The following PARD3 variants were observed in gnomAD, a reference collection of about 807,000 sequenced individuals.
The protein encoded by PARD3 is par-3 family cell polarity regulator.
A neutral mutation model predicts 155.4 loss-of-function variants in PARD3; 75 were observed. The observed-to-expected ratio is 0.48, with a 90% CI of 0.40 to 0.58. The LOEUF is 0.58. PARD3 is among the 20% of genes least tolerant of loss of function. The pLI is 0.00. For missense variants in PARD3, 1,642 were observed against 1,721.7 expected, an observed-to-expected ratio of 0.95 and a Z score of 0.82; for synonymous variants, 576 against 610.5, an observed-to-expected ratio of 0.94 and a Z score of 0.83.
chr10:34,682,933 A>C (rs947098901), intron 2 of PARD3, among the ~76,000 whole-genome samples: 1 of 152,210 alleles, frequency 6.6e-6, no homozygotes, highest in Non-Finnish European at 1.5e-5. Flanking sequence ...TGAAGAGCCT[A>C]ATTTGACAAT....
At chr10:34,344,493 G>A in intron 15 of PARD3, 2 of 684,754 alleles carry the variant, frequency 2.9e-6, no homozygotes, top group Non-Finnish European at 3.6e-6. Flanking sequence ...TGTTGGCCAG[G>A]CTGGTCTTAA....
At chr10:34,769,455 T>C (rs546109715) in intron 1 of PARD3, among the ~76,000 whole-genome samples, 42 of 151,952 alleles carry the variant, frequency 2.8e-4, no homozygotes, top group Non-Finnish European at 5.3e-4. Context: ...CCTCTCCAGG[T>C]GAAAATCATT....
intron 2 of PARD3, among the ~76,000 whole-genome samples, chr10:34,519,170 G>C (rs2081973308): frequency 1.3e-5 from 2 of 152,186 alleles, no homozygotes; most frequent in African/African-American, 4.8e-5. Context: ...AATTGGAGGA[G>C]TCTGAGGAAG....
intron 5 of PARD3, among the ~76,000 whole-genome samples, chr10:34,430,053 A>G (rs540095867): frequency 1.3e-5 from 2 of 152,370 alleles, no homozygotes; most frequent in Admixed American, 1.3e-4. Flanking sequence ...TTATTTACAA[A>G]AAGCAGCTTA....
At chr10:34,504,376 G>A (rs2080911959) in intron 3 of PARD3, among the ~76,000 whole-genome samples, 2 of 148,410 alleles carry the variant, frequency 1.3e-5, no homozygotes, top group Admixed American at 6.8e-5. Flanking sequence ...TCCCACGTCT[G>A]CCTCCCACAG....
chr10:34,500,674 G>T (rs2080632705), intron 3 of PARD3, among the ~76,000 whole-genome samples: 1 of 152,114 alleles, frequency 6.6e-6, no homozygotes, highest in Admixed American at 6.6e-5. Context: ...CCCAGGGCAT[G>T]GAGGCTGCAG....
intron 18 of PARD3, among the ~76,000 whole-genome samples, chr10:34,335,748 C>T (rs1404364791): frequency 1.3e-5 from 2 of 152,020 alleles, no homozygotes; most frequent in South Asian, 2.1e-4. Context: ...CAATACCGGA[C>T]GTTGTCCTAC....
rs182111711 is a variant in PARD3, at chr10:34,427,263, C to G, written c.714+23054G>C. On this transcript the variant is annotated intron_variant, in intron 5 of 24. Coordinates refer to ENST00000374788, the MANE Select transcript of PARD3 (RefSeq NM_001184785.2). ...CCGAAAACGGGTAAGAGAAATATTGCGGAATTCTTTCCCCAGTAAGGAATA... is the reference window on the plus strand; with the variant it reads ...CCGAAAACGGGTAAGAGAAATATTGGGGAATTCTTTCCCCAGTAAGGAATA... Among the ~76,000 whole-genome samples the G allele has an allele frequency of 2.6e-5, 4 of 152,280 alleles. No individual in the cohort carries two copies. The East Asian group carries it at 7.7e-4, about 29-fold the overall frequency.
chr10:34,737,588 G>A (rs888793527), intron 1 of PARD3, among the ~76,000 whole-genome samples: 2 of 152,080 alleles, frequency 1.3e-5, no homozygotes, highest in East Asian at 3.9e-4. Context: ...AATCCCCAAC[G>A]CAACAGTAGA....
intron 2 of PARD3, among the ~76,000 whole-genome samples, chr10:34,609,469 T>C (rs975807079): frequency 2.6e-5 from 4 of 152,208 alleles, no homozygotes; most frequent in Non-Finnish European, 5.9e-5. Context: ...CTTAGAAGTA[T>C]ACCACACTCC....
intron 2 of PARD3, among the ~76,000 whole-genome samples, chr10:34,690,740 G>C (rs2094041420): frequency 6.6e-6 from 1 of 152,168 alleles, no homozygotes; most frequent in South Asian, 2.1e-4. Flanking sequence ...AGAACCCCGA[G>C]GGAAAACCTG....
intron 1 of PARD3, among the ~76,000 whole-genome samples, chr10:34,793,471 A>C (rs1236974189): frequency 6.6e-6 from 1 of 152,228 alleles, no homozygotes. Flanking sequence ...AGTCAGGGAT[A>C]TAAAAGCCAT....
chr10:34,306,458 T>C (rs1957414373), intron 20 of PARD3, among the ~76,000 whole-genome samples: 1 of 152,020 alleles, frequency 6.6e-6, no homozygotes, highest in South Asian at 2.1e-4. Flanking sequence ...GAGACCAGCC[T>C]GACCAACATG....
At chr10:34,269,573 G>T in intron 22 of PARD3, 84 bp downstream of exon 22, 1 of 1,460,676 alleles carries the variant, frequency 6.8e-7, no homozygotes, top group Non-Finnish European at 9.4e-7. Flanking sequence ...TCTGGTTTGA[G>T]GATTGATGAA....
chr10:34,173,632 A>G lies in PARD3; in HGVS notation c.3420-42049T>C, dbSNP rs1360283527. On this transcript the variant is annotated intron_variant, in intron 22 of 24. Transcript: ENST00000374788. Reference sequence around the variant, plus strand: ...ACATATACCACACCTGTATATCACAATGGCAAAGCTAGGAAAAGTGTTTAT... The same window carrying G: ...ACATATACCACACCTGTATATCACAGTGGCAAAGCTAGGAAAAGTGTTTAT... 2.0e-5 allele frequency among the ~76,000 whole-genome samples: 3 copies of G among 152,186 alleles called. No individual in the cohort carries two copies. In the East Asian group the frequency reaches 5.8e-4, roughly 29 times the overall value.
At chr10:34,114,325 A>C (rs1946551712) in intron 24 of PARD3, among the ~76,000 whole-genome samples, 1 of 152,134 alleles carries the variant, frequency 6.6e-6, no homozygotes. Flanking sequence ...ACCAAAGAAG[A>C]AAATTGTTTT....
chr10:34,558,682 G>C (rs994720291), intron 2 of PARD3, among the ~76,000 whole-genome samples: 1 of 152,164 alleles, frequency 6.6e-6, no homozygotes, highest in South Asian at 2.1e-4. Context: ...TCTAATCCCA[G>C]CACTTTGGGA....
At chr10:34,592,132 C>T (rs2088759787) in intron 2 of PARD3, among the ~76,000 whole-genome samples, 1 of 152,190 alleles carries the variant, frequency 6.6e-6, no homozygotes, top group South Asian at 2.1e-4. Flanking sequence ...AATTATTTAT[C>T]CTTAATTCAA....
At chr10:34,514,881 A>AT (rs1021062517) in intron 3 of PARD3, among the ~76,000 whole-genome samples, 30 of 152,188 alleles carry the variant, frequency 2.0e-4, no homozygotes, top group African/African-American at 7.2e-4. Flanking sequence ...TTCTTCTAAT[A>AT]TTTTTTATGG....
Sources: gnomAD v4.1 joint callset for allele counts (sites outside exome capture counted in the v4.1 genomes callset) on GRCh38, gnomAD v4.1.1 for gene constraint, MANE v1.5 for transcripts, NCBI Gene and HGNC (gene_info 2026-07-23, HGNC 2026-07-21) for gene names.